The following ITGAV variants were observed in gnomAD, a reference collection of about 807,000 sequenced individuals.
ITGAV encodes the protein integrin alpha-V.
ITGAV carries 76 observed loss-of-function variants against 143.8 expected under a neutral mutation model. That is an observed-to-expected ratio of 0.53 (90% CI 0.44 to 0.64). The LOEUF (loss-of-function observed/expected upper bound fraction) is 0.64, where lower values mean the gene tolerates loss of function less well. Ranked by LOEUF, ITGAV falls within the 30% of genes least tolerant of loss-of-function variation. The pLI, the probability that ITGAV is intolerant of heterozygous loss-of-function variation, is 0.00. For missense variants in ITGAV, 1,193 were observed against 1,274.7 expected (o/e 0.94, Z 0.98); for synonymous variants, 453 against 446.7 (o/e 1.01, Z -0.18).
intron 1 of ITGAV, among the ~76,000 whole-genome samples, chr2:186,597,602 T>C (rs1431484098): frequency 6.6e-6 from 1 of 152,174 alleles, no homozygotes; most frequent in Non-Finnish European, 1.5e-5. Context: ...ACCAAAAAGT[T>C]ATAAAATATA....
In ITGAV at chr2:186,676,859, T is replaced by C; in HGVS notation, c.2975T>C (p.Val992Ala). Reference protein sequence around the residue: ...TWGIQPAPMPVPVWVIILAVL... With the variant: ...TWGIQPAPMPAPVWVIILAVL... ...GGCATTCAGCCAGCGCCCATGCCTG[T>C]GCCTGTGTGGGTGATCATTTTAGCA... Residue 992 changes from valine to alanine, a missense_variant, in exon 29 of 30, where the codon GTG (valine) becomes GCG (alanine). Transcript: ENST00000261023. 1 of 1,614,118 alleles carries C rather than the reference T, an allele frequency of 6.2e-7. No individual in the cohort carries two copies. Among genetic ancestry groups the C allele is most frequent in the East Asian group, 2.2e-5 (1 of 44,882 alleles).
Position 186,641,461 on chromosome 2 carries a change from G to A in ITGAV, c.1032G>A (p.Gln344=). 1 of 1,614,152 alleles carries A rather than the reference G, an allele frequency of 6.2e-7. No individual in the cohort carries two copies. The highest frequency in any genetic ancestry group is 8.5e-7 in the Non-Finnish European group (1 of 1,179,998). Residue 344 remains glutamine, a synonymous_variant, in exon 12 of 30, where the codon CAG becomes CAA. Coordinates refer to ENST00000261023, the MANE Select transcript of ITGAV (RefSeq NM_002210.5). ...ATGGCAAACTCCAAGAGGTGGGGCAGGTCTCAGTGTCTCTACAGAGAGCTT... is the reference window on the plus strand; with the variant it reads ...ATGGCAAACTCCAAGAGGTGGGGCAAGTCTCAGTGTCTCTACAGAGAGCTT... ...GSDGKLQEVG[Q]VSVSLQRASG... is the part of the protein sequence containing the mutation.
chr2:186,638,540 A>C (rs150624427), intron 10 of ITGAV, 75 bp downstream of exon 10: 3 of 1,065,384 alleles, frequency 2.8e-6, no homozygotes, highest in African/African-American at 3.2e-5. Flanking sequence ...TTTGCGAAAT[A>C]AAACTGTAAA....
chr2:186,671,017 G>A (rs1443431597), intron 26 of ITGAV, among the ~76,000 whole-genome samples: 2 of 152,002 alleles, frequency 1.3e-5, no homozygotes, highest in East Asian at 3.9e-4. Context: ...TCAGCAAATT[G>A]CATCAGTATT....
chr2:186,655,255 T>C (rs759829057), intron 16 of ITGAV, among the ~76,000 whole-genome samples: 6 of 152,210 alleles, frequency 3.9e-5, no homozygotes, highest in Non-Finnish European at 7.3e-5. Context: ...TTTGTCAGTA[T>C]GTTAATGGCA....
chr2:186,614,348 A>G (rs1687295324), intron 2 of ITGAV, among the ~76,000 whole-genome samples: 1 of 152,022 alleles, frequency 6.6e-6, no homozygotes, highest in South Asian at 2.1e-4. Context: ...CAAAATACAT[A>G]AAGTTATAAT....
intron 1 of ITGAV, chr2:186,600,522 T>G (rs1574459496): frequency 8.6e-7 from 1 of 1,167,310 alleles, no homozygotes; most frequent in East Asian, 2.6e-5. Context: ...AGATAACTGC[T>G]CTGTCTAAAG....
In ITGAV at chr2:186,663,792, G is replaced by A. The variant is rs554519341; in HGVS notation, c.1882G>A (p.Glu628Lys). Residue 628 changes from glutamate to lysine, a missense_variant, in exon 19 of 30, where the codon GAA (glutamate) becomes AAA (lysine). Physicochemically the swap from Glu to Lys is moderately conservative, Grantham distance 56. Transcript: ENST00000261023. ...GGCTCACATTCTACTTGACTGTGGT[G>A]AAGACAATGTCTGTAAACCCAAGCT... is the stretch of plus-strand genomic sequence containing the variant. Reference protein sequence around the residue: ...RQAHILLDCGEDNVCKPKLEV... With the variant: ...RQAHILLDCGKDNVCKPKLEV... 7.4e-6 allele frequency: 12 copies of A among 1,612,932 alleles called. No homozygotes were observed. The African/African-American group carries it at 1.3e-4, about 18-fold the overall frequency.
At chr2:186,599,652 A>C (rs1431032627) in intron 1 of ITGAV, among the ~76,000 whole-genome samples, 1 of 152,120 alleles carries the variant, frequency 6.6e-6, no homozygotes, top group Admixed American at 6.5e-5. Flanking sequence ...CCACAGGCGC[A>C]TGCCACCACA....
chr2:186,642,487 G>C (rs1688133850), intron 12 of ITGAV, among the ~76,000 whole-genome samples: 1 of 151,710 alleles, frequency 6.6e-6, no homozygotes, highest in African/African-American at 2.4e-5. Flanking sequence ...GTGTCATCTG[G>C]AAGATTAACC....
chr2:186,619,574 C>T (rs544629912), intron 2 of ITGAV, among the ~76,000 whole-genome samples: 2 of 151,166 alleles, frequency 1.3e-5, no homozygotes, highest in Admixed American at 6.6e-5. Flanking sequence ...CACAAAAAAA[C>T]GTGCTAAATG....
Position 186,649,872 on chromosome 2 carries a change from G to GGTGGTTTAT in ITGAV, c.1384_1385insGTGGTTTAT (p.Ala462delinsGlyGlyLeuSer). Reference sequence around the variant, plus strand: ...TGTAGGAGCTTTTGGTGTAGATCGAGCTATCTTATACAGGTGAGCATTTTC... The same window carrying GGTGGTTTAT: ...TGTAGGAGCTTTTGGTGTAGATCGAGGTGGTTTATCTATCTTATACAGGTGAGCATTTTC... On this transcript the variant is annotated protein_altering_variant, in exon 14 of 30. Coordinates refer to ENST00000261023, the MANE Select transcript of ITGAV (RefSeq NM_002210.5). 6.5e-7 allele frequency: 1 copy of GGTGGTTTAT among 1,548,074 alleles called. No homozygotes were observed. The highest frequency in any genetic ancestry group is 8.7e-7 in the Non-Finnish European group (1 of 1,146,276).
In ITGAV at chr2:186,656,185, A is replaced by G. The variant is rs142510624; in HGVS notation, c.1565-62A>G. 5.7e-4 allele frequency: 711 copies of G among 1,250,262 alleles called. 8 individuals carry two copies. In the East Asian group the frequency reaches 0.017, roughly 30 times the overall value. The allele number at this position is 1,250,262 out of a possible 1,614,324, so 77.4% of individuals were successfully genotyped here. ...AGATCTCTGTTTACATGAAAACTCT[A>G]GAGTAGGATAGATAGATGTCCATAA... On this transcript the variant is annotated intron_variant, in intron 16 of 29. Transcript: ENST00000261023.
intron 24 of ITGAV, chr2:186,668,418 G>T: frequency 7.9e-6 from 2 of 254,432 alleles, no homozygotes; most frequent in South Asian, 4.0e-5. Flanking sequence ...TAGGGACAGG[G>T]TTTCACCGAC....
At chr2:186,607,339 T>A (rs576522206) in intron 2 of ITGAV, among the ~76,000 whole-genome samples, 2 of 152,308 alleles carry the variant, frequency 1.3e-5, no homozygotes, top group East Asian at 3.9e-4. Context: ...CACTTTGTCA[T>A]TATTCACATT....
chr2:186,671,844 A>G (rs975577575), intron 26 of ITGAV, among the ~76,000 whole-genome samples: 4 of 151,258 alleles, frequency 2.6e-5, no homozygotes, highest in African/African-American at 9.7e-5. Context: ...TATTCTGGAC[A>G]TTTCATACAT....
chr2:186,656,987 AACAC>A (rs56249746), intron 17 of ITGAV, among the ~76,000 whole-genome samples: 53,296 of 139,114 alleles, frequency 0.38, 9,645 homozygotes, highest in Middle Eastern at 0.46. Flanking sequence ...GAATTCATTA[AACAC>A]ACACACACAC....
intron 26 of ITGAV, among the ~76,000 whole-genome samples, chr2:186,675,270 A>T (rs1010724854): frequency 3.9e-5 from 6 of 152,190 alleles, no homozygotes; most frequent in Non-Finnish European, 7.3e-5. Flanking sequence ...TCACCATGTT[A>T]TGGGTTTGCC....
At chr2:186,670,337 G>A (rs1689030655) in intron 26 of ITGAV, among the ~76,000 whole-genome samples, 1 of 151,934 alleles carries the variant, frequency 6.6e-6, no homozygotes, top group African/African-American at 2.4e-5. Context: ...GCCTCACTTT[G>A]TCACCCAGGC....
Sources: gnomAD v4.1 joint callset for allele counts (sites outside exome capture counted in the v4.1 genomes callset) on GRCh38, gnomAD v4.1.1 for gene constraint, MANE v1.5 for transcripts, NCBI Gene and HGNC (gene_info 2026-07-23, HGNC 2026-07-21) for gene names.